AFF3: variants seen among roughly 807,000 people sequenced by gnomAD.
AFF3 encodes the protein AF4/FMR2 family member 3.
Under a neutral mutation model 129.7 loss-of-function variants are expected in AFF3, and 32 were observed. The ratio of observed to expected loss-of-function variants is 0.25; its 90% CI spans 0.19 to 0.33. AFF3 has a LOEUF of 0.33. Ranked by LOEUF, AFF3 falls within the 10% of genes least tolerant of loss-of-function variation. The probability of loss-of-function intolerance (pLI) is 1.00; values close to 1 mark genes in which losing one functional copy is unlikely to be tolerated. For synonymous variants in AFF3, 644 were observed against 635.4 expected (o/e 1.01, Z -0.20); for missense variants, 1,373 against 1,592.0 (o/e 0.86, Z 2.34).
intron 7 of AFF3, among the ~76,000 whole-genome samples, chr2:99,955,922 T>C (rs1676600440): frequency 6.6e-6 from 1 of 152,190 alleles, no homozygotes; most frequent in Non-Finnish European, 1.5e-5. Flanking sequence ...TTTACACTGC[T>C]GCTGGGGGTG....
At chr2:99,638,220 C>T (rs947302791) in intron 13 of AFF3, among the ~76,000 whole-genome samples, 5 of 152,014 alleles carry the variant, frequency 3.3e-5, no homozygotes, top group Non-Finnish European at 7.4e-5. Context: ...CCACCACACC[C>T]GACTAATTTT....
Position 99,966,981 on chromosome 2 carries a change from GC to G in AFF3, c.873+39650del, listed in dbSNP as rs1677845712. 2.0e-5 allele frequency among the ~76,000 whole-genome samples: 3 copies of G among 152,086 alleles called. No homozygotes were observed. In the South Asian group the frequency reaches 6.2e-4, roughly 32 times the overall value. On this transcript the variant is annotated intron_variant, in intron 7 of 24. Coordinates refer to ENST00000672756, the MANE Select transcript of AFF3 (RefSeq NM_001386135.1). ...AGGAACTTCATGAAAATTAATTCAT[GC>G]TGGGCCAGTTCTGATTAAAATGTTT... is the stretch of plus-strand genomic sequence containing the variant.
At chr2:99,827,793 A>T (rs574756515) in intron 8 of AFF3, among the ~76,000 whole-genome samples, 8 of 151,924 alleles carry the variant, frequency 5.3e-5, no homozygotes, top group Admixed American at 1.3e-4. Context: ...CAGAGAGAGG[A>T]GGTGCTCACT....
intron 13 of AFF3, among the ~76,000 whole-genome samples, chr2:99,630,395 T>A (rs1325130919): frequency 6.6e-6 from 1 of 152,120 alleles, no homozygotes; most frequent in Non-Finnish European, 1.5e-5. Context: ...GCTTCCTCAA[T>A]AAATTTACAA....
intron 4 of AFF3, among the ~76,000 whole-genome samples, chr2:100,046,214 G>A (rs1383446044): frequency 6.6e-6 from 1 of 152,164 alleles, no homozygotes; most frequent in Non-Finnish European, 1.5e-5. Flanking sequence ...AACAGCTAAT[G>A]TTTACATTAT....
intron 10 of AFF3, among the ~76,000 whole-genome samples, chr2:99,740,547 A>G (rs1680637562): frequency 1.4e-5 from 2 of 148,044 alleles, no homozygotes; most frequent in South Asian, 4.4e-4. Flanking sequence ...TTTGATTTGC[A>G]TTTCTCTGAT....
intron 7 of AFF3, 182 bp downstream of exon 7, chr2:100,006,450 A>G: frequency 1.4e-6 from 1 of 717,444 alleles, no homozygotes; most frequent in African/African-American, 1.8e-5. Context: ...ATTATAATAA[A>G]TTTGAGATTT....
At chr2:99,752,124 T>G in intron 9 of AFF3, 97 bp downstream of exon 9, 2 of 1,125,798 alleles carry the variant, frequency 1.8e-6, no homozygotes, top group Non-Finnish European at 2.6e-6. Flanking sequence ...GGCAGGAATA[T>G]TTACAGAAGA....
intron 2 of AFF3, among the ~76,000 whole-genome samples, chr2:100,111,523 C>T (rs1326698468): frequency 6.6e-6 from 1 of 152,006 alleles, no homozygotes; most frequent in African/African-American, 2.4e-5. Context: ...ATTTGTTAAC[C>T]TGGTTAAGTT....
At chr2:99,604,230 C>T (rs1680117531) in intron 13 of AFF3, among the ~76,000 whole-genome samples, 1 of 152,096 alleles carries the variant, frequency 6.6e-6, no homozygotes, top group Admixed American at 6.5e-5. Context: ...CTCAAATGCC[C>T]ATCGATGACA....
intron 7 of AFF3, among the ~76,000 whole-genome samples, chr2:99,917,910 C>T (rs6727572): frequency 0.037 from 5,654 of 151,640 alleles, 341 homozygotes; most frequent in African/African-American, 0.13. Context: ...ATTATATGGC[C>T]GTTATATAAA....
intron 8 of AFF3, among the ~76,000 whole-genome samples, chr2:99,835,332 C>T (rs1688787578): frequency 6.6e-6 from 1 of 152,192 alleles, no homozygotes; most frequent in Non-Finnish European, 1.5e-5. Flanking sequence ...ACCAACTATT[C>T]TGCCTTTCCC....
intron 13 of AFF3, among the ~76,000 whole-genome samples, chr2:99,612,722 T>C (rs976097551): frequency 6.6e-6 from 1 of 152,190 alleles, no homozygotes; most frequent in Non-Finnish European, 1.5e-5. Context: ...TTAGAGCCTC[T>C]TGGGGCACCT....
chr2:99,971,005 A>T (rs1459429728), intron 7 of AFF3, among the ~76,000 whole-genome samples: 2 of 152,192 alleles, frequency 1.3e-5, no homozygotes, highest in Non-Finnish European at 1.5e-5. Context: ...GGGTGGTTGG[A>T]ATAATGGAAT....
intron 4 of AFF3, among the ~76,000 whole-genome samples, chr2:100,012,235 T>C (rs991945587): frequency 2.0e-5 from 3 of 152,144 alleles, no homozygotes; most frequent in Non-Finnish European, 4.4e-5. Context: ...CGTCCCCACT[T>C]CTTCAAAGGA....
At chr2:99,714,726 A>C (rs1678216829) in intron 11 of AFF3, among the ~76,000 whole-genome samples, 1 of 152,212 alleles carries the variant, frequency 6.6e-6, no homozygotes, top group South Asian at 2.1e-4. Context: ...AGTTTGTGTA[A>C]CCTTATTGTT....
chr2:99,889,726 T>C (rs2106071052), intron 7 of AFF3, among the ~76,000 whole-genome samples: 1 of 152,342 alleles, frequency 6.6e-6, no homozygotes, highest in East Asian at 1.9e-4. Flanking sequence ...TGGCGTGATC[T>C]CAGCTCACCG....
At chr2:99,680,353 C>A (rs922344307) in intron 11 of AFF3, among the ~76,000 whole-genome samples, 2 of 152,096 alleles carry the variant, frequency 1.3e-5, no homozygotes, top group African/African-American at 4.8e-5. Flanking sequence ...GCTCGATGTT[C>A]TCAGTATTAA....
chr2:99,642,789 T>C (rs1180792334), intron 13 of AFF3, among the ~76,000 whole-genome samples: 2 of 152,192 alleles, frequency 1.3e-5, no homozygotes, highest in African/African-American at 4.8e-5. Flanking sequence ...GCTCTGCCAC[T>C]TGTGGCCCTG....
Sources: gnomAD v4.1 joint callset for allele counts (sites outside exome capture counted in the v4.1 genomes callset) on GRCh38, gnomAD v4.1.1 for gene constraint, MANE v1.5 for transcripts, NCBI Gene and HGNC (gene_info 2026-07-23, HGNC 2026-07-21) for gene names.